PUM2: variants seen among roughly 807,000 people sequenced by gnomAD.
PUM2 encodes the protein pumilio RNA binding family member 2.
PUM2 carries 57 observed loss-of-function variants against 124.5 expected under a neutral mutation model. That is an observed-to-expected ratio of 0.46 (90% CI 0.37 to 0.57). The LOEUF (loss-of-function observed/expected upper bound fraction) is 0.57. PUM2 is among the 20% of genes least tolerant of loss of function. PUM2 has a pLI of 0.00. For missense variants in PUM2, 1,065 were observed against 1,290.6 expected, an observed-to-expected ratio of 0.83 and a Z score of 2.68; for synonymous variants, 460 against 446.1, an observed-to-expected ratio of 1.03 and a Z score of -0.39.
At chr2:20,294,573 G>A (rs956260911) in intron 8 of PUM2, 55 bp from the exon 9 acceptor site, 1 of 1,526,136 alleles carries the variant, frequency 6.6e-7, no homozygotes, top group Admixed American at 2.1e-5. Flanking sequence ...ACATAGACAT[G>A]AGGTTAGCTA....
chr2:20,252,284 T>C (rs1433754697), intron 20 of PUM2, among the ~76,000 whole-genome samples: 4 of 152,154 alleles, frequency 2.6e-5, no homozygotes, highest in Non-Finnish European at 2.9e-5. Flanking sequence ...AAAGCATGCA[T>C]GCCTGTAGTC....
At chr2:20,255,978 C>T in intron 17 of PUM2, 55 bp downstream of exon 17, 1 of 1,453,782 alleles carries the variant, frequency 6.9e-7, no homozygotes, top group Non-Finnish European at 9.1e-7. Context: ...TGTTGATATT[C>T]AAAATTCTAA....
chr2:20,350,923 T>G, upstream of PUM2: 1 of 369,252 alleles, frequency 2.7e-6, no homozygotes, highest in Non-Finnish European at 3.8e-6. Flanking sequence ...CGGCTCCTTT[T>G]AATGCCTTGC....
chr2:20,295,430 A>AT (rs1675279494), intron 8 of PUM2, among the ~76,000 whole-genome samples: 1 of 152,178 alleles, frequency 6.6e-6, no homozygotes, highest in Non-Finnish European at 1.5e-5. Flanking sequence ...AAAGCCCAGT[A>AT]TATTTGACTG....
chr2:20,342,851 T>C (rs12465832), intron 1 of PUM2, among the ~76,000 whole-genome samples: 44,703 of 152,130 alleles, frequency 0.29, 6,795 homozygotes, highest in Middle Eastern at 0.36. Context: ...TTCCTAAAGA[T>C]ACTTAAGTTT....
intron 7 of PUM2, 68 bp from the exon 8 acceptor site, chr2:20,297,746 C>A: frequency 5.5e-4 from 654 of 1,182,660 alleles, no homozygotes; most frequent in Middle Eastern, 8.1e-4. Context: ...TAGATAAAAA[C>A]ATTTCTACTC....
chr2:20,326,288 T>C (rs1270080803), intron 2 of PUM2: 2 of 1,303,918 alleles, frequency 1.5e-6, no homozygotes, highest in South Asian at 1.2e-5. Flanking sequence ...GAAAATGACA[T>C]ACTCTTTGGA....
At chr2:20,326,343 C>A in intron 2 of PUM2, 1 of 1,304,136 alleles carries the variant, frequency 7.7e-7, no homozygotes, top group East Asian at 5.6e-5. Flanking sequence ...CTGCAGGGTG[C>A]CCTCTTGTGG....
chr2:20,252,019 A>C (rs1234439162), intron 20 of PUM2, among the ~76,000 whole-genome samples: 1 of 152,246 alleles, frequency 6.6e-6, no homozygotes, highest in African/African-American at 2.4e-5. Context: ...TTCCACCAAA[A>C]AAATTACAAA....
intron 7 of PUM2, among the ~76,000 whole-genome samples, chr2:20,300,488 T>A (rs986315063): frequency 2.0e-5 from 3 of 152,156 alleles, no homozygotes; most frequent in Non-Finnish European, 4.4e-5. Flanking sequence ...AAGGAAGAAG[T>A]CCATTCAGAT....
chr2:20,272,980 T>G (rs1479752348), intron 13 of PUM2, among the ~76,000 whole-genome samples: 2 of 152,258 alleles, frequency 1.3e-5, no homozygotes, highest in Admixed American at 1.3e-4. Context: ...TATGCTACTT[T>G]CATTTTTATG....
At chr2:20,304,077 T>C (rs1301115670) in intron 7 of PUM2, among the ~76,000 whole-genome samples, 4 of 152,238 alleles carry the variant, frequency 2.6e-5, no homozygotes, top group Admixed American at 6.5e-5. Flanking sequence ...ATCAGAATTA[T>C]TGCCTAAACT....
At chr2:20,331,337 T>C (rs560539700) in intron 1 of PUM2, among the ~76,000 whole-genome samples, 3 of 152,198 alleles carry the variant, frequency 2.0e-5, no homozygotes, top group African/African-American at 7.2e-5. Flanking sequence ...AGTAAATGTC[T>C]AAGAAAATGC....
At chr2:20,332,568 C>A (rs1309015720) in intron 1 of PUM2, among the ~76,000 whole-genome samples, 1 of 152,016 alleles carries the variant, frequency 6.6e-6, no homozygotes, top group Non-Finnish European at 1.5e-5. Flanking sequence ...ATACCATATC[C>A]ATATAAACTA....
intron 2 of PUM2, among the ~76,000 whole-genome samples, chr2:20,323,537 T>C (rs947835510): frequency 6.6e-6 from 1 of 152,048 alleles, no homozygotes; most frequent in Admixed American, 6.6e-5. Context: ...AATCCTTTAC[T>C]GTTATCAAAC....
At chr2:20,306,360 A>G (rs1678286970) in intron 7 of PUM2, among the ~76,000 whole-genome samples, 1 of 152,206 alleles carries the variant, frequency 6.6e-6, no homozygotes, top group South Asian at 2.1e-4. Context: ...CAAATAAGCA[A>G]GAACCAAAAA....
At chr2:20,329,428 C>A (rs1684417477) in intron 1 of PUM2, among the ~76,000 whole-genome samples, 1 of 140,994 alleles carries the variant, frequency 7.1e-6, no homozygotes, top group African/African-American at 2.7e-5. Flanking sequence ...CGAGAGCCCC[C>A]TCATCTCAAA....
chr2:20,336,681 T>TTGTGTGTGTGTGTGTGTG (rs113658730), intron 1 of PUM2, among the ~76,000 whole-genome samples: 18 of 131,580 alleles, frequency 1.4e-4, no homozygotes, highest in East Asian at 6.9e-4. Flanking sequence ...CCTGGCTAAT[T>TTGTGTGTGTGTGTGTGTG]TGTGTGTGTG....
chr2:20,259,551 G>A (rs1665664208), intron 15 of PUM2, among the ~76,000 whole-genome samples: 1 of 152,134 alleles, frequency 6.6e-6, no homozygotes, highest in Admixed American at 6.5e-5. Context: ...TTTTGTGTGT[G>A]GCTTGTTTCA....
Sources: gnomAD v4.1 joint callset for allele counts (sites outside exome capture counted in the v4.1 genomes callset) on GRCh38, gnomAD v4.1.1 for gene constraint, MANE v1.5 for transcripts, NCBI Gene and HGNC (gene_info 2026-07-23, HGNC 2026-07-21) for gene names.